The following ATM variants were observed in gnomAD, a reference collection of about 807,000 sequenced individuals.
ATM encodes serine-protein kinase ATM.
Under a neutral mutation model 387.0 loss-of-function variants are expected in ATM, and 308 were observed. The ratio of observed to expected loss-of-function variants is 0.80; its 90% CI spans 0.73 to 0.87. The LOEUF is 0.87. Among genes scored for constraint, ATM ranks in the 40% least tolerant of loss-of-function variants. ATM has a pLI of 0.00. For synonymous variants in ATM, 1,156 were observed against 1,187.3 expected (o/e 0.97, Z 0.54); for missense variants, 3,312 against 3,560.9 (o/e 0.93, Z 1.78).
At chr11:108,299,194 C>T (rs1448550235) in intron 33 of ATM, among the ~76,000 whole-genome samples, 6 of 151,996 alleles carry the variant, frequency 3.9e-5, no homozygotes, top group African/African-American at 1.2e-4. Flanking sequence ...AGGGAGAACA[C>T]AGGCAGAAAA....
At chr11:108,310,636 A>G (rs1257012741) in intron 39 of ATM, among the ~76,000 whole-genome samples, 2 of 152,102 alleles carry the variant, frequency 1.3e-5, no homozygotes, top group African/African-American at 4.8e-5. Flanking sequence ...GGTGATAAAT[A>G]TTTTTCAAAT....
chr11:108,326,693 C>T (rs960916208), intron 47 of ATM, among the ~76,000 whole-genome samples: 13 of 152,180 alleles, frequency 8.5e-5, no homozygotes, highest in Non-Finnish European at 1.8e-4. Flanking sequence ...ACTTATGTTG[C>T]TACTTCAGCT....
In ATM at chr11:108,268,609, G is replaced by A. The variant is rs1317505466; in HGVS notation, c.2838G>A (p.Met946Ile). 1 of 1,613,470 alleles carries A rather than the reference G, an allele frequency of 6.2e-7. No homozygotes were observed. Among genetic ancestry groups the A allele is most frequent in the Non-Finnish European group, 8.5e-7 (1 of 1,179,824 alleles). ...CTACCAAATCCCTCCACCTGCATAT[G>A]GTGAGTTACGTTAAATGAAGAAGCT... The part of the protein sequence containing the change: ...LEPTKSLHLH[M>I]YLMLLKELPG... Residue 946 changes from methionine (M) to isoleucine (I), a missense_variant and splice_region_variant, in exon 18 of 63, where the codon ATG (methionine) becomes ATA (isoleucine). Physicochemically the swap from Met to Ile is conservative, Grantham distance 10. This residue lies in a region of ATM where 1,791 missense variants were observed against 1,804.5 expected (regional missense o/e 0.99). Coordinates refer to ENST00000675843, the MANE Select transcript of ATM (RefSeq NM_000051.4).
At position 108,336,045 on chromosome 11, in the gene ATM, A is replaced by G. The variant is rs2086817139; in HGVS notation, c.8268+84A>G. On this transcript the variant is annotated intron_variant, in intron 56 of 62. Transcript: ENST00000675843. ...GGTGAAGTGGCTCATGCCCATATTC[A>G]TAATGCTTTGGGAGGCCAAGGTGGG... is the stretch of plus-strand genomic sequence containing the variant. The G allele has an allele frequency of 4.6e-6, 5 of 1,083,716 alleles. No homozygotes were observed. The South Asian group carries it at 5.2e-5, about 11-fold the overall frequency. The allele number at this position is 1,083,716 out of a possible 1,614,324, so 67.1% of individuals were successfully genotyped here. A position where few individuals can be genotyped will look rare whatever the true frequency, so the allele number is the denominator to read the frequency against.
chr11:108,353,102 A>G (rs1647546178), intron 59 of ATM, among the ~76,000 whole-genome samples: 1 of 152,196 alleles, frequency 6.6e-6, no homozygotes, highest in Non-Finnish European at 1.5e-5. Flanking sequence ...TCTTTTCTGT[A>G]TGATTTCTTA....
At chr11:108,260,302 T>C (rs2080786843) in intron 16 of ATM, among the ~76,000 whole-genome samples, 1 of 152,164 alleles carries the variant, frequency 6.6e-6, no homozygotes, top group Non-Finnish European at 1.5e-5. Context: ...CCCAAAGTGC[T>C]TGGATTACAG....
At position 108,279,558 on chromosome 11, in the gene ATM, A is replaced by G. The variant is rs572564322; in HGVS notation, c.3352A>G (p.Thr1118Ala). The G allele has an allele frequency of 8.1e-5, 130 of 1,613,876 alleles. 2 individuals are homozygous for G. The South Asian group carries it at 1.4e-3, about 17-fold the overall frequency. The change falls in exon 23 of 63, where the codon ACA (threonine) becomes GCA (alanine). Residue 1118 changes from threonine (T) to alanine (A), a missense_variant. Around this residue, in one of 4 missense-constraint regions of ATM, gnomAD observed 1,791 missense variants for 1,804.5 expected, o/e 0.99. Coordinates refer to ENST00000675843, the MANE Select transcript of ATM (RefSeq NM_000051.4). ...AGCACTTCCTTTGAAGCTTCAGCAAACAGCTTTTGAAAATGCATACTTGAA... is the reference window on the plus strand; with the variant it reads ...AGCACTTCCTTTGAAGCTTCAGCAAGCAGCTTTTGAAAATGCATACTTGAA... ...LKALPLKLQQ[T>A]AFENAYLKAQ...
At chr11:108,301,561 T>C (rs2135909493) in intron 34 of ATM, 87 bp from the exon 35 acceptor site, 1 of 1,537,334 alleles carries the variant, frequency 6.5e-7, no homozygotes, top group Non-Finnish European at 8.9e-7. Flanking sequence ...TTTTAAATTT[T>C]AGTTTTGAAA....
At position 108,254,059 on chromosome 11, in the gene ATM, G is replaced by A. The variant is rs2080321209; in HGVS notation, c.2124+20G>A. 2 of 1,605,612 alleles carry A rather than the reference G, an allele frequency of 1.2e-6. No homozygotes were observed. The highest frequency in any genetic ancestry group is 8.5e-7 in the Non-Finnish European group (1 of 1,174,172). ...TCTGAGGTGAGATTTTTTAAAAAAA[G>A]AACTAAGCTTATATATGATTCAACT... is the stretch of plus-strand genomic sequence containing the variant. On this transcript the variant is annotated intron_variant, in intron 13 of 62. Transcript: ENST00000675843.
chr11:108,286,810 G>A (rs1185728703), intron 26 of ATM, among the ~76,000 whole-genome samples: 3 of 152,010 alleles, frequency 2.0e-5, no homozygotes, highest in Non-Finnish European at 2.9e-5. Flanking sequence ...AATATTTTTT[G>A]TTATTAGGAA....
Position 108,353,806 on chromosome 11 carries a change from G to A in ATM, c.8712G>A (p.Glu2904=), listed in dbSNP as rs1349488841. The part of the protein sequence containing the change: ...FEQGKILPTP[E]TVPFRLTRDI... ...AGGGCAAAATCCTTCCTACTCCTGA[G>A]ACAGTTCCTTTTAGACTCACCAGAG... The change falls in exon 60 of 63, where the codon GAG becomes GAA. Residue 2904 remains glutamate (E), a synonymous_variant. Transcript: ENST00000675843. 9 of 1,614,078 alleles carry A rather than the reference G, an allele frequency of 5.6e-6. No homozygotes were observed. Among genetic ancestry groups the A allele is most frequent in the South Asian group, 5.5e-5 (5 of 91,078 alleles).
rs4987938 is a variant in ATM, at chr11:108,249,560, C to T, written c.1235+458C>T. Among the ~76,000 whole-genome samples, 145 of 152,190 alleles carry T rather than the reference C, an allele frequency of 9.5e-4. 2 individuals are homozygous for T. Among genetic ancestry groups the T allele is most frequent in the Admixed American group, 4.8e-3 (74 of 15,288 alleles). On this transcript the variant is annotated intron_variant, in intron 9 of 62. Coordinates refer to ENST00000675843, the MANE Select transcript of ATM (RefSeq NM_000051.4). ...TTCTATCTTCTTTATTCTCATGTAA[C>T]GTTCACATATATTTAAGTAATCAAA... is the stretch of plus-strand genomic sequence containing the variant.
At position 108,247,055 on chromosome 11, in the gene ATM, G is replaced by A. The variant is rs786202048; in HGVS notation, c.993G>A (p.Lys331=). 1.2e-6 allele frequency: 2 copies of A among 1,613,738 alleles called. No individual in the cohort carries two copies. Among genetic ancestry groups the A allele is most frequent in the Non-Finnish European group, 1.7e-6 (2 of 1,179,834 alleles). The part of the protein sequence containing the change: ...NEISHIGSRG[K]YSSGFRNIAV... The stretch of plus-strand genomic sequence containing the variant: ...TAAGTCATATAGGAAGTAGAGGAAA[G>A]TATTCTTCAGGATTTCGTAATATTG... Residue 331 remains lysine (K), a synonymous_variant, in exon 8 of 63, where the codon AAG becomes AAA. Transcript: ENST00000675843.
chr11:108,246,783 G>A (rs1170796416), intron 7 of ATM, among the ~76,000 whole-genome samples, 181 bp from the exon 8 acceptor site: 1 of 152,192 alleles, frequency 6.6e-6, no homozygotes. Flanking sequence ...AATGTAAAAT[G>A]GACAGTTATG....
chr11:108,257,407 A>G (rs2135404052), intron 14 of ATM, 74 bp from the exon 15 acceptor site: 1 of 1,558,966 alleles, frequency 6.4e-7, no homozygotes, highest in Non-Finnish European at 8.7e-7. Context: ...GTCCAAGATC[A>G]AAGTACACTG....
chr11:108,345,007 CA>C (rs920422184), intron 57 of ATM, among the ~76,000 whole-genome samples: 143 of 142,416 alleles, frequency 1.0e-3, no homozygotes, highest in Middle Eastern at 3.6e-3. Flanking sequence ...ACCCTGTCTC[CA>C]AAAAAAAAAA....
At chr11:108,362,948 A>G (rs569916499) in intron 61 of ATM, among the ~76,000 whole-genome samples, 5 of 152,200 alleles carry the variant, frequency 3.3e-5, no homozygotes, top group Admixed American at 6.5e-5. Context: ...ATAAAAGTAT[A>G]ATTTAAAAAA....
chr11:108,281,301 T>C (rs1282362745), intron 24 of ATM, 133 bp downstream of exon 24: 3 of 918,820 alleles, frequency 3.3e-6, no homozygotes, highest in African/African-American at 1.7e-5. Flanking sequence ...GTTGGGAATA[T>C]TGGAAAGCAG....
chr11:108,353,077 A>C (rs2089406721), intron 59 of ATM, among the ~76,000 whole-genome samples: 1 of 152,162 alleles, frequency 6.6e-6, no homozygotes, highest in Non-Finnish European at 1.5e-5. Flanking sequence ...AATGGGGAAA[A>C]GGCATAAGGG....
Sources: gnomAD v4.1 joint callset for allele counts (sites outside exome capture counted in the v4.1 genomes callset) on GRCh38, gnomAD v4.1.1 for gene constraint, gnomAD v4.1.1 regional missense constraint, MANE v1.5 for transcripts, NCBI Gene and HGNC (gene_info 2026-07-23, HGNC 2026-07-21) for gene names.